The following ST8SIA1 variants were observed in gnomAD, a reference collection of about 807,000 sequenced individuals.
The protein encoded by ST8SIA1 is alpha-N-acetylneuraminide alpha-2,8-sialyltransferase.
ST8SIA1 carries 16 observed loss-of-function variants against 35.9 expected under a neutral mutation model. The observed-to-expected ratio is 0.45, with a 90% CI of 0.30 to 0.68. The LOEUF (loss-of-function observed/expected upper bound fraction) is 0.68, where lower values mean the gene tolerates loss of function less well. ST8SIA1 is among the 30% of genes least tolerant of loss of function. The pLI, the probability that ST8SIA1 is intolerant of heterozygous loss-of-function variation, is 0.09. For synonymous variants in ST8SIA1, 170 were observed against 169.6 expected (o/e 1.00, Z -0.02); for missense variants, 383 against 453.6 (o/e 0.84, Z 1.41).
intron 3 of ST8SIA1, 126 bp from the exon 4 acceptor site, chr12:22,249,224 T>G (rs1156797100): frequency 1.9e-4 from 120 of 637,074 alleles, no homozygotes; most frequent in African/African-American, 1.6e-3. Context: ...TTTTTTGTTT[T>G]TTTTTTTTTT....
At chr12:22,298,773 G>A (rs890494102) in intron 1 of ST8SIA1, among the ~76,000 whole-genome samples, 2 of 152,144 alleles carry the variant, frequency 1.3e-5, no homozygotes, top group African/African-American at 4.8e-5. Context: ...CCCTCAACTT[G>A]TTGCTGTGTT....
chr12:22,332,860 TG>T (rs145889317), intron 1 of ST8SIA1, among the ~76,000 whole-genome samples: 4,375 of 152,320 alleles, frequency 0.029, 129 homozygotes, highest in African/African-American at 0.074. Flanking sequence ...CACCTGCCCT[TG>T]CACTGATTAG....
rs1359864183 is a variant in ST8SIA1 at position 22,249,092 on chromosome 12, A to G, written c.498T>C (p.Asn166=). 6 of 1,610,258 alleles carry G rather than the reference A, an allele frequency of 3.7e-6. No individual in the cohort carries two copies. Among genetic ancestry groups the G allele is most frequent in the Non-Finnish European group, 5.1e-6 (6 of 1,176,844 alleles). Residue 166 remains asparagine (N), a synonymous_variant, in exon 4 of 5, where the codon AAT becomes AAC. Coordinates refer to ENST00000396037, the MANE Select transcript of ST8SIA1 (RefSeq NM_003034.4). ...TGTATTCACTTGACAAAGGAGGGAGATTGCATCTAGAGAAACAAGAACAAA... is the reference window on the plus strand; with the variant it reads ...TGTATTCACTTGACAAAGGAGGGAGGTTGCATCTAGAGAAACAAGAACAAA... ...IDEANFVMRC[N]LPPLSSEYTK...
intron 2 of ST8SIA1, among the ~76,000 whole-genome samples, chr12:22,257,691 T>A (rs1865743787): frequency 6.6e-6 from 1 of 151,804 alleles, no homozygotes; most frequent in South Asian, 2.1e-4. Flanking sequence ...AAGAGCCTGT[T>A]GTGTCTGGAG....
intron 1 of ST8SIA1, among the ~76,000 whole-genome samples, chr12:22,293,528 C>A (rs549769309): frequency 2.0e-5 from 3 of 152,294 alleles, no homozygotes; most frequent in African/African-American, 7.2e-5. Flanking sequence ...TTCTTTTAGA[C>A]TACAATATTG....
chr12:22,203,996 G>T (rs1377235043), intron 4 of ST8SIA1, among the ~76,000 whole-genome samples: 1 of 152,136 alleles, frequency 6.6e-6, no homozygotes, highest in Non-Finnish European at 1.5e-5. Context: ...TTATTTAGAA[G>T]ATCAAAGCAT....
intron 1 of ST8SIA1, among the ~76,000 whole-genome samples, chr12:22,312,403 C>A (rs1351805187): frequency 1.3e-5 from 2 of 152,124 alleles, no homozygotes; most frequent in Non-Finnish European, 2.9e-5. Flanking sequence ...TATTCAAACA[C>A]CAGAACTGCC....
At chr12:22,272,328 C>G (rs1865920978) in intron 2 of ST8SIA1, among the ~76,000 whole-genome samples, 1 of 152,188 alleles carries the variant, frequency 6.6e-6, no homozygotes, top group South Asian at 2.1e-4. Flanking sequence ...ATGTCCTTTA[C>G]TAATTCCAAG....
chr12:22,205,892 CTAAAG>C (rs1865102100), intron 4 of ST8SIA1, among the ~76,000 whole-genome samples: 1 of 151,934 alleles, frequency 6.6e-6, no homozygotes, highest in African/African-American at 2.4e-5. Flanking sequence ...AATAAGATAA[CTAAAG>C]TAAAAAGGGA....
At chr12:22,248,798 G>A (rs1865632701) in intron 4 of ST8SIA1, 1 of 499,776 alleles carries the variant, frequency 2.0e-6, no homozygotes, top group Non-Finnish European at 3.5e-6. Context: ...CTAAAGGCAA[G>A]AAACAGAATC....
In ST8SIA1 at chr12:22,287,161, A is replaced by G; in HGVS notation, c.369T>C (p.Ser123=). The G allele has an allele frequency of 6.2e-7, 1 of 1,613,940 alleles. No individual in the cohort carries two copies. Reference sequence around the variant, plus strand: ...ACTCTATACTAACCTGTGGGAAGAGAGAGTAAGTTGAATTGTCAATGGTGA... The same window carrying G: ...ACTCTATACTAACCTGTGGGAAGAGGGAGTAAGTTGAATTGTCAATGGTGA... The part of the protein sequence containing the change: ...YSFTIDNSTY[S]LFPQATPFQL... The change falls in exon 2 of 5, where the codon TCT becomes TCC. Residue 123 remains serine (S), a synonymous_variant. Transcript: ENST00000396037.
chr12:22,282,458 C>T (rs1372056941), intron 2 of ST8SIA1, among the ~76,000 whole-genome samples: 10 of 152,202 alleles, frequency 6.6e-5, no homozygotes, highest in African/African-American at 2.4e-4. Context: ...CCATGTGACT[C>T]ATTCCTGATT....
intron 2 of ST8SIA1, among the ~76,000 whole-genome samples, chr12:22,281,800 T>C (rs367611813): frequency 1.2e-5 from 1 of 80,812 alleles, no homozygotes; most frequent in East Asian, 3.2e-4. Context: ...CTGGTCAACA[T>C]AACAAAACCT....
intron 2 of ST8SIA1, among the ~76,000 whole-genome samples, chr12:22,264,700 C>T (rs913666051): frequency 7.2e-5 from 11 of 152,100 alleles, no homozygotes; most frequent in Admixed American, 6.5e-4. Flanking sequence ...ATAATTTTCC[C>T]TTAAGATATA....
chr12:22,228,988 A>G (rs1046337399), intron 4 of ST8SIA1, among the ~76,000 whole-genome samples: 1 of 143,056 alleles, frequency 7.0e-6, no homozygotes. Flanking sequence ...CGGGAGGCGG[A>G]GGTCGCAGTA....
chr12:22,221,204 T>C (rs1865297409), intron 4 of ST8SIA1, among the ~76,000 whole-genome samples: 1 of 151,394 alleles, frequency 6.6e-6, no homozygotes, highest in South Asian at 2.1e-4. Context: ...AACTTTCCAA[T>C]TTACATCATC....
chr12:22,334,062 G>A lies in ST8SIA1; in HGVS notation c.171C>T (p.Ile57=), dbSNP rs1375266079. The change falls in exon 1 of 5, where the codon ATC becomes ATT. Residue 57 remains isoleucine, a synonymous_variant. Transcript: ENST00000396037. ...TGCCCTGTTGCAGCACCCCCTGCAC[G>A]ATCTCTTTCTCGTTGGGCAGCCGGT... The part of the protein sequence containing the change: ...PVYRLPNEKE[I]VQGVLQQGTA... 6.2e-7 allele frequency: 1 copy of A among 1,614,112 alleles called. No homozygotes were observed. The highest frequency in any genetic ancestry group is 8.5e-7 in the Non-Finnish European group (1 of 1,180,038).
At chr12:22,211,734 G>T (rs147974590) in intron 4 of ST8SIA1, among the ~76,000 whole-genome samples, 1 of 152,054 alleles carries the variant, frequency 6.6e-6, no homozygotes, top group Non-Finnish European at 1.5e-5. Context: ...TTGAGATGGC[G>T]TCTCGCTCAC....
At chr12:22,310,935 G>C (rs149489481) in intron 1 of ST8SIA1, among the ~76,000 whole-genome samples, 1 of 152,108 alleles carries the variant, frequency 6.6e-6, no homozygotes, top group African/African-American at 2.4e-5. Flanking sequence ...TCTGATAATG[G>C]AGAACATAAT....
Sources: gnomAD v4.1 joint callset for allele counts (sites outside exome capture counted in the v4.1 genomes callset) on GRCh38, gnomAD v4.1.1 for gene constraint, MANE v1.5 for transcripts, NCBI Gene and HGNC (gene_info 2026-07-23, HGNC 2026-07-21) for gene names.